Variants in TIAM2 observed in about 807,000 individuals in gnomAD.
The protein encoded by TIAM2 is rho guanine nucleotide exchange factor TIAM2.
In TIAM2, 80 loss-of-function variants were observed where a neutral mutation model predicts 152.9. That is an observed-to-expected ratio of 0.52 (90% CI 0.44 to 0.63). The LOEUF is 0.63. Among genes scored for constraint, TIAM2 ranks in the 30% least tolerant of loss-of-function variants. The pLI is 0.00. For synonymous variants in TIAM2, 804 were observed against 838.0 expected (o/e 0.96, Z 0.70); for missense variants, 1,965 against 2,120.1 (o/e 0.93, Z 1.44).
At chr6:154,997,328 T>C (rs1324257372) in intron 1 of TIAM2, among the ~76,000 whole-genome samples, 1 of 152,180 alleles carries the variant, frequency 6.6e-6, no homozygotes, top group African/African-American at 2.4e-5. Flanking sequence ...AGAACACATT[T>C]TTGTATATAC....
chr6:155,122,562 A>C (rs1779188821), intron 2 of TIAM2, among the ~76,000 whole-genome samples: 1 of 151,996 alleles, frequency 6.6e-6, no homozygotes, highest in Admixed American at 6.6e-5. Context: ...CATTGTGATA[A>C]GTTTTTTAAA....
chr6:155,167,755 C>T (rs566055080), intron 9 of TIAM2, among the ~76,000 whole-genome samples: 1 of 152,242 alleles, frequency 6.6e-6, no homozygotes, highest in African/African-American at 2.4e-5. Flanking sequence ...CCTCAACCTC[C>T]CAAAGTCCTG....
intron 1 of TIAM2, among the ~76,000 whole-genome samples, chr6:155,052,833 C>T (rs1295252700): frequency 2.0e-5 from 3 of 151,534 alleles, no homozygotes; most frequent in African/African-American, 2.4e-5. Flanking sequence ...GAAAATCTCT[C>T]CTCTCTGCAA....
chr6:155,188,335 GCT>G (rs1781106007), intron 14 of TIAM2, among the ~76,000 whole-genome samples: 1 of 152,226 alleles, frequency 6.6e-6, no homozygotes, highest in Admixed American at 6.5e-5. Context: ...TGCCTGTGAT[GCT>G]CTGTGAGGAG....
At chr6:155,082,995 C>G (rs6901517) in intron 1 of TIAM2, among the ~76,000 whole-genome samples, 1 of 151,980 alleles carries the variant, frequency 6.6e-6, no homozygotes, top group African/African-American at 2.4e-5. Context: ...CGCCTCATCT[C>G]TCTTTGCCAG....
intron 15 of TIAM2, among the ~76,000 whole-genome samples, chr6:155,222,837 T>A (rs1223756744): frequency 6.6e-6 from 1 of 152,134 alleles, no homozygotes; most frequent in Non-Finnish European, 1.5e-5. Flanking sequence ...TTTATCCCCA[T>A]GAATATGGAG....
intron 1 of TIAM2, among the ~76,000 whole-genome samples, chr6:155,027,315 C>T (rs533115371): frequency 1.3e-4 from 19 of 148,460 alleles, no homozygotes; most frequent in Non-Finnish European, 2.4e-4. Context: ...CATGAGCCAT[C>T]GCACCTGTAT....
At chr6:155,219,266 TC>T (rs1202315202) in intron 15 of TIAM2, among the ~76,000 whole-genome samples, 2 of 152,208 alleles carry the variant, frequency 1.3e-5, no homozygotes, top group Non-Finnish European at 2.9e-5. Context: ...GATGAGCTTT[TC>T]CAAAGGGTTG....
intron 1 of TIAM2, among the ~76,000 whole-genome samples, chr6:155,003,202 A>G (rs9478606): frequency 0.15 from 22,102 of 152,078 alleles, 1,830 homozygotes; most frequent in African/African-American, 0.23. Context: ...GTTAAAATAC[A>G]TAAAGGTTGA....
Position 155,137,409 on chromosome 6 carries a change from T to C in TIAM2, c.1427T>C (p.Ile476Thr), listed in dbSNP as rs754587537. The change falls in exon 5 of 27, where the codon ATA (isoleucine) becomes ACA (threonine). Residue 476 changes from isoleucine (I) to threonine (T), a missense_variant. Ile to Thr is a moderately conservative substitution (Grantham distance 89). Transcript: ENST00000682666. ...LEMSRTNTEN[I>T]ETSTETAESS... ...ATGAGCAGGACCAACACTGAGAACA[T>C]AGAAACATCTACAGAAACCGCCGAG... The C allele has an allele frequency of 4.2e-5, 68 of 1,614,046 alleles. No homozygotes were observed. Among genetic ancestry groups the C allele is most frequent in the Middle Eastern group, 1.6e-4 (1 of 6,084 alleles).
chr6:155,149,663 C>G (rs1299786811), intron 7 of TIAM2, among the ~76,000 whole-genome samples: 1 of 152,048 alleles, frequency 6.6e-6, no homozygotes, highest in Non-Finnish European at 1.5e-5. Flanking sequence ...TGGCTGACGC[C>G]TATAATCCCG....
At chr6:155,184,298 C>G (rs1007272044) in intron 14 of TIAM2, among the ~76,000 whole-genome samples, 10 of 152,152 alleles carry the variant, frequency 6.6e-5, no homozygotes, top group South Asian at 6.2e-4. Flanking sequence ...CAGTAAACAG[C>G]AAACTTTTAA....
intron 2 of TIAM2, among the ~76,000 whole-genome samples, chr6:155,117,985 T>G (rs1457915737): frequency 3.3e-5 from 5 of 152,228 alleles, no homozygotes; most frequent in African/African-American, 1.2e-4. Context: ...TTTGAACATT[T>G]TCTTCCTGGG....
intron 1 of TIAM2, among the ~76,000 whole-genome samples, chr6:155,056,443 A>G (rs1368355967): frequency 6.6e-6 from 1 of 152,028 alleles, no homozygotes. Flanking sequence ...AAGTGCTGGG[A>G]TTACAGGCGT....
chr6:155,021,451 G>A (rs1434425263), intron 1 of TIAM2, among the ~76,000 whole-genome samples: 1 of 151,892 alleles, frequency 6.6e-6, no homozygotes, highest in Non-Finnish European at 1.5e-5. Context: ...TAGTAGAGAC[G>A]GGGTTTCGCC....
chr6:155,207,405 C>T (rs1781621920), intron 14 of TIAM2, among the ~76,000 whole-genome samples: 1 of 152,198 alleles, frequency 6.6e-6, no homozygotes, highest in South Asian at 2.1e-4. Context: ...CTCCTGTGCT[C>T]CGTCATGTCC....
intron 1 of TIAM2, among the ~76,000 whole-genome samples, chr6:155,052,047 A>C (rs556874216): frequency 6.6e-6 from 1 of 152,128 alleles, no homozygotes; most frequent in African/African-American, 2.4e-5. Context: ...TTCAATTTAG[A>C]GGTAGCTTCC....
intron 7 of TIAM2, among the ~76,000 whole-genome samples, chr6:155,164,040 A>C (rs1271791714): frequency 6.7e-6 from 1 of 150,024 alleles, no homozygotes; most frequent in Non-Finnish European, 1.5e-5. Context: ...GCTCACTGCA[A>C]CCTCCGCCTT....
chr6:155,209,106 G>A (rs1207902279), intron 14 of TIAM2, among the ~76,000 whole-genome samples: 3 of 152,066 alleles, frequency 2.0e-5, no homozygotes, highest in Admixed American at 1.3e-4. Context: ...CTTGCTTCCT[G>A]AGTGTCCCCA....
Sources: gnomAD v4.1 joint callset for allele counts (sites outside exome capture counted in the v4.1 genomes callset) on GRCh38, gnomAD v4.1.1 for gene constraint, MANE v1.5 for transcripts, NCBI Gene and HGNC (gene_info 2026-07-23, HGNC 2026-07-21) for gene names.